The following TBCK variants were observed in gnomAD, a reference collection of about 807,000 sequenced individuals.
TBCK encodes TBC domain-containing protein kinase-like protein.
A neutral mutation model predicts 113.4 loss-of-function variants in TBCK; 99 were observed. The observed-to-expected ratio is 0.87, with a 90% CI of 0.74 to 1.03. TBCK has a LOEUF of 1.03. Among genes scored for constraint, TBCK ranks in the 50% least tolerant of loss-of-function variants. TBCK has a pLI of 0.00. For synonymous variants in TBCK, 369 were observed against 370.8 expected, an observed-to-expected ratio of 1.00 and a Z score of 0.05; for missense variants, 1,045 against 1,061.3, an observed-to-expected ratio of 0.98 and a Z score of 0.21.
At chr4:106,080,944 G>T (rs1013689419) in intron 25 of TBCK, among the ~76,000 whole-genome samples, 7 of 152,170 alleles carry the variant, frequency 4.6e-5, no homozygotes, top group Middle Eastern at 3.2e-3. Context: ...GATCATTAGA[G>T]AAATGCAAAT....
intron 20 of TBCK, among the ~76,000 whole-genome samples, chr4:106,197,737 A>G (rs1432700258): frequency 1.3e-5 from 2 of 151,924 alleles, no homozygotes; most frequent in Non-Finnish European, 2.9e-5. Context: ...ACTGCACCCA[A>G]TCACACTCAT....
intron 10 of TBCK, among the ~76,000 whole-genome samples, chr4:106,246,670 C>T (rs530607148): frequency 3.0e-3 from 453 of 152,142 alleles, no homozygotes; most frequent in Non-Finnish European, 4.5e-3. Context: ...GAACTAATCA[C>T]AGGATTGACT....
At chr4:106,083,428 A>G (rs2149494810) in intron 25 of TBCK, among the ~76,000 whole-genome samples, 1 of 152,322 alleles carries the variant, frequency 6.6e-6, no homozygotes, top group East Asian at 1.9e-4. Flanking sequence ...GACAGAATTC[A>G]GATCTCCCTG....
intron 2 of TBCK, among the ~76,000 whole-genome samples, chr4:106,301,865 C>T (rs1165263932): frequency 9.9e-5 from 15 of 152,190 alleles, no homozygotes; most frequent in African/African-American, 3.6e-4. Flanking sequence ...TGAGGAGACA[C>T]AAATCAAAGT....
At chr4:106,123,787 T>C (rs1744775124) in intron 23 of TBCK, among the ~76,000 whole-genome samples, 1 of 149,970 alleles carries the variant, frequency 6.7e-6, no homozygotes, top group Admixed American at 6.6e-5. Context: ...CTGGGAAAAC[T>C]GGCTAGCCAT....
chr4:106,270,768 A>G (rs1252596257), intron 3 of TBCK, among the ~76,000 whole-genome samples: 4 of 152,206 alleles, frequency 2.6e-5, no homozygotes, highest in Non-Finnish European at 4.4e-5. Flanking sequence ...CATCTGCAAG[A>G]CAGCATATTG....
At chr4:106,297,047 T>C (rs2125854666) in intron 2 of TBCK, among the ~76,000 whole-genome samples, 1 of 152,274 alleles carries the variant, frequency 6.6e-6, no homozygotes, top group South Asian at 2.1e-4. Context: ...TTTCCTTACA[T>C]TTATCTGGCT....
chr4:106,274,374 T>C (rs1034238815), intron 3 of TBCK, among the ~76,000 whole-genome samples: 1 of 152,140 alleles, frequency 6.6e-6, no homozygotes, highest in Non-Finnish European at 1.5e-5. Context: ...ATCAAATACA[T>C]ATGAATGTTC....
chr4:106,078,540 T>C (rs1284851561), intron 25 of TBCK, among the ~76,000 whole-genome samples: 1 of 152,046 alleles, frequency 6.6e-6, no homozygotes, highest in East Asian at 1.9e-4. Flanking sequence ...TAGAAGACAT[T>C]GATAAATTCC....
intron 25 of TBCK, among the ~76,000 whole-genome samples, chr4:106,073,723 G>C (rs1304964508): frequency 2.0e-5 from 3 of 152,204 alleles, no homozygotes; most frequent in Admixed American, 6.5e-5. Flanking sequence ...CCCAGAGCTG[G>C]AGTCTACAGA....
intron 24 of TBCK, among the ~76,000 whole-genome samples, chr4:106,099,876 T>C (rs1266174654): frequency 6.6e-6 from 1 of 152,210 alleles, no homozygotes; most frequent in Non-Finnish European, 1.5e-5. Context: ...CAAAGTGTTC[T>C]GATTATTGTA....
At chr4:106,136,425 C>T (rs1021537498) in intron 23 of TBCK, among the ~76,000 whole-genome samples, 3 of 140,644 alleles carry the variant, frequency 2.1e-5, no homozygotes, top group African/African-American at 5.0e-5. Context: ...AACTGGGGAA[C>T]GCTTCTTTGA....
intron 23 of TBCK, among the ~76,000 whole-genome samples, chr4:106,120,342 G>A (rs1284771515): frequency 6.6e-6 from 1 of 152,072 alleles, no homozygotes; most frequent in Non-Finnish European, 1.5e-5. Context: ...CTGATTGCTA[G>A]CACAGCAGTC....
chr4:106,150,003 T>C (rs147322899), intron 23 of TBCK, among the ~76,000 whole-genome samples: 4 of 152,330 alleles, frequency 2.6e-5, no homozygotes, highest in Non-Finnish European at 5.9e-5. Context: ...TATTTCCACA[T>C]GAATGACTTT....
chr4:106,089,744 A>G (rs1262671598), intron 25 of TBCK, among the ~76,000 whole-genome samples: 1 of 152,228 alleles, frequency 6.6e-6, no homozygotes, highest in South Asian at 2.1e-4. Context: ...TCAGCAGGAC[A>G]CTCATTAAAT....
At chr4:106,168,233 G>A (rs181089773) in intron 23 of TBCK, among the ~76,000 whole-genome samples, 142 of 151,874 alleles carry the variant, frequency 9.3e-4, no homozygotes, top group Non-Finnish European at 1.7e-3. Context: ...ACAAGCTAAA[G>A]AAGAAAATTC....
chr4:106,264,569 T>C (rs1762809977), intron 3 of TBCK, among the ~76,000 whole-genome samples: 1 of 151,972 alleles, frequency 6.6e-6, no homozygotes, highest in Non-Finnish European at 1.5e-5. Flanking sequence ...GGGAAGTGAT[T>C]GGCACATTGC....
At chr4:106,136,561 T>C (rs1746580151) in intron 23 of TBCK, among the ~76,000 whole-genome samples, 1 of 141,600 alleles carries the variant, frequency 7.1e-6, no homozygotes, top group South Asian at 2.4e-4. Context: ...TCTAAGGCAC[T>C]GGTTCTACCT....
At chr4:106,303,045 C>A (rs1767114367) in intron 2 of TBCK, among the ~76,000 whole-genome samples, 1 of 152,126 alleles carries the variant, frequency 6.6e-6, no homozygotes, top group Non-Finnish European at 1.5e-5. Context: ...TCTCTTTAAG[C>A]AAATTAGAAA....
Sources: allele counts gnomAD v4.1 joint callset (sites outside exome capture counted in the v4.1 genomes callset), GRCh38; gene constraint gnomAD v4.1.1; transcripts MANE v1.5; gene names NCBI Gene and HGNC (gene_info 2026-07-23, HGNC 2026-07-21).